The following IMPA2 variants were observed in gnomAD, a reference collection of about 807,000 sequenced individuals.
IMPA2 encodes the protein IMP 2.
IMPA2 carries 32 observed loss-of-function variants against 35.1 expected under a neutral mutation model. The observed-to-expected ratio is 0.91, with a 90% CI of 0.69 to 1.23. The LOEUF (loss-of-function observed/expected upper bound fraction) is 1.23, where lower values mean the gene tolerates loss of function less well. Among genes scored for constraint, IMPA2 ranks in the 50% most tolerant of loss-of-function variants. The pLI is 0.00. For missense variants in IMPA2, 334 were observed against 387.6 expected, an observed-to-expected ratio of 0.86 and a Z score of 1.16; for synonymous variants, 135 against 160.6, an observed-to-expected ratio of 0.84 and a Z score of 1.20.
chr18:12,015,346 C>A (rs947888165), intron 5 of IMPA2, among the ~76,000 whole-genome samples: 2 of 152,230 alleles, frequency 1.3e-5, no homozygotes, highest in African/African-American at 2.4e-5. Flanking sequence ...TTCCTGGCAA[C>A]CTTTCTTCAT....
intron 5 of IMPA2, among the ~76,000 whole-genome samples, chr18:12,025,758 T>C (rs934842914): frequency 2.0e-5 from 3 of 152,078 alleles, no homozygotes; most frequent in Admixed American, 6.5e-5. Context: ...TTTTGTATTT[T>C]TAATAGAGAC....
intron 3 of IMPA2, 92 bp from the exon 4 acceptor site, chr18:12,012,078 C>A: frequency 8.5e-7 from 1 of 1,174,312 alleles, no homozygotes; most frequent in South Asian, 1.3e-5. Context: ...TAGGAAGGTC[C>A]TTCTGAGCCT....
intron 5 of IMPA2, among the ~76,000 whole-genome samples, chr18:12,015,694 C>G (rs1907558700): frequency 6.6e-6 from 1 of 152,226 alleles, no homozygotes; most frequent in Non-Finnish European, 1.5e-5. Flanking sequence ...TGGCCTCTGG[C>G]CCTGCCTCAC....
chr18:12,012,851 A>G (rs1343395666), intron 4 of IMPA2, among the ~76,000 whole-genome samples: 1 of 152,224 alleles, frequency 6.6e-6, no homozygotes, highest in African/African-American at 2.4e-5. Flanking sequence ...GCTTCAGAGC[A>G]GCATTTGTGC....
At chr18:12,007,670 T>TCTTTCTTTCTTTCTTTCTTTC (rs764225886) in intron 2 of IMPA2, among the ~76,000 whole-genome samples, 31 of 97,996 alleles carry the variant, frequency 3.2e-4, no homozygotes, top group Middle Eastern at 4.4e-3. Context: ...TTTCTTTCTT[T>TCTTTCTTTCTTTCTTTCTTTC]CTTTCTTTCC....
intron 2 of IMPA2, among the ~76,000 whole-genome samples, chr18:12,008,886 A>T (rs1279694218): frequency 1.3e-5 from 2 of 152,172 alleles, no homozygotes; most frequent in Non-Finnish European, 2.9e-5. Context: ...AGAGGGACTC[A>T]TTACAAAGGA....
At chr18:12,029,101 A>C in intron 7 of IMPA2, 108 bp downstream of exon 7, 2 of 406,040 alleles carry the variant, frequency 4.9e-6, no homozygotes, top group Admixed American at 5.1e-5. Flanking sequence ...CCTTCCCCAG[A>C]GTTTCTGTTT....
At chr18:12,012,118 G>C (rs1193489840) in intron 3 of IMPA2, 52 bp from the exon 4 acceptor site, 14 of 1,572,464 alleles carry the variant, frequency 8.9e-6, no homozygotes, top group Non-Finnish European at 1.2e-5. Flanking sequence ...ACAGGCTCCC[G>C]AGAGCTGCCG....
chr18:12,003,220 A>G (rs1303656840), intron 2 of IMPA2, among the ~76,000 whole-genome samples: 1 of 151,864 alleles, frequency 6.6e-6, no homozygotes. Context: ...AAATAAATAA[A>G]ATTGCTTCTG....
At chr18:11,988,912 C>T (rs1415600487) in intron 1 of IMPA2, among the ~76,000 whole-genome samples, 2 of 152,178 alleles carry the variant, frequency 1.3e-5, no homozygotes, top group Non-Finnish European at 2.9e-5. Context: ...GCTTCTACCT[C>T]CTGGGCTCAA....
intron 4 of IMPA2, among the ~76,000 whole-genome samples, chr18:12,013,881 G>A (rs1312777594): frequency 1.3e-5 from 2 of 152,194 alleles, no homozygotes; most frequent in African/African-American, 4.8e-5. Flanking sequence ...CAGCAATTTT[G>A]AGGATTTCTT....
intron 1 of IMPA2, among the ~76,000 whole-genome samples, chr18:11,988,001 C>CTTTTTTTTT (rs71172043): frequency 2.9e-5 from 3 of 101,862 alleles, no homozygotes; most frequent in Admixed American, 1.3e-4. Flanking sequence ...TGTTTATTGG[C>CTTTTTTTTT]TTTTTTTTTT....
In IMPA2 at chr18:12,003,598, C is replaced by T. The variant is rs147244980; in HGVS notation, c.230+4411C>T. Among the ~76,000 whole-genome samples the T allele has an allele frequency of 6.2e-3, 912 of 147,036 alleles. 5 individuals carry two copies. The highest frequency in any genetic ancestry group is 0.011 in the Non-Finnish European group (764 of 67,610). On this transcript the variant is annotated intron_variant, in intron 2 of 7. Transcript: ENST00000269159. ...CCTGGGAAGTGGAGGTTGCAGTGAGCTGAGATTGCACCATTGCACTCCAGC... is the reference window on the plus strand; with the variant it reads ...CCTGGGAAGTGGAGGTTGCAGTGAGTTGAGATTGCACCATTGCACTCCAGC...
chr18:12,027,977 G>A, intron 5 of IMPA2, 66 bp from the exon 6 acceptor site: 1 of 983,890 alleles, frequency 1.0e-6, no homozygotes, highest in Non-Finnish European at 1.6e-6. Flanking sequence ...CACGTTGGAA[G>A]CCTGTACTCC....
chr18:12,027,834 A>G (rs1907924547), intron 5 of IMPA2, among the ~76,000 whole-genome samples: 1 of 151,050 alleles, frequency 6.6e-6, no homozygotes, highest in African/African-American at 2.4e-5. Context: ...CTTGTTCCCT[A>G]GCCTCCCAAA....
chr18:12,000,188 T>A (rs1262625009), intron 2 of IMPA2, among the ~76,000 whole-genome samples: 1 of 152,130 alleles, frequency 6.6e-6, no homozygotes, highest in African/African-American at 2.4e-5. Flanking sequence ...ATATATTTTT[T>A]AAGAGATAGG....
intron 1 of IMPA2, among the ~76,000 whole-genome samples, chr18:11,993,238 C>T (rs559854254): frequency 5.3e-4 from 81 of 152,312 alleles, no homozygotes; most frequent in East Asian, 9.6e-4. Context: ...GAATTTAGAG[C>T]TGTCTGATTC....
intron 7 of IMPA2, among the ~76,000 whole-genome samples, chr18:12,029,836 C>G (rs776010678): frequency 1.1e-4 from 16 of 152,218 alleles, no homozygotes; most frequent in Non-Finnish European, 2.1e-4. Flanking sequence ...TCATATCCCT[C>G]AGGAAGATGC....
At chr18:12,008,029 T>C (rs1416851925) in intron 2 of IMPA2, among the ~76,000 whole-genome samples, 1 of 152,030 alleles carries the variant, frequency 6.6e-6, no homozygotes, top group Admixed American at 6.6e-5. Context: ...CGGTGTGATC[T>C]CAGCTCACTG....
Sources: gnomAD v4.1 joint callset for allele counts (sites outside exome capture counted in the v4.1 genomes callset) on GRCh38, gnomAD v4.1.1 for gene constraint, MANE v1.5 for transcripts, NCBI Gene and HGNC (gene_info 2026-07-23, HGNC 2026-07-21) for gene names.